The following DYSF variants were observed in gnomAD, a reference collection of about 807,000 sequenced individuals.
DYSF encodes dystrophy-associated fer-1-like 1.
A neutral mutation model predicts 274.9 loss-of-function variants in DYSF; 212 were observed. The observed-to-expected ratio is 0.77, with a 90% CI of 0.69 to 0.86. The LOEUF is 0.86. Ranked by LOEUF, DYSF falls within the 40% of genes least tolerant of loss-of-function variation. DYSF has a pLI of 0.00. For missense variants in DYSF, 2,666 were observed against 2,783.2 expected (o/e 0.96, Z 0.95); for synonymous variants, 1,091 against 1,078.7 (o/e 1.01, Z -0.22).
At chr2:71,594,888 T>G (rs2093364043) in intron 32 of DYSF, among the ~76,000 whole-genome samples, 1 of 152,198 alleles carries the variant, frequency 6.6e-6, no homozygotes, top group African/African-American at 2.4e-5. Context: ...ATTATACCTG[T>G]TTAGGTTACA....
Position 71,668,749 on chromosome 2 carries a change from C to G in DYSF, c.5458-5C>G. 13 of 1,613,166 alleles carry G rather than the reference C, an allele frequency of 8.1e-6. No individual in the cohort carries two copies. The highest frequency in any genetic ancestry group is 1.1e-5 in the Non-Finnish European group (13 of 1,179,704). On this transcript the variant is annotated splice_region_variant and splice_polypyrimidine_tract_variant and intron_variant, in intron 48 of 55. Coordinates refer to ENST00000410020, the MANE Select transcript of DYSF (RefSeq NM_001130987.2). ...GTGGGGAGAGAACGGACCCTGTCTC[C>G]GCAGGGGAAGCTGCAGATGTGGGTC...
intron 32 of DYSF, among the ~76,000 whole-genome samples, chr2:71,595,826 G>T (rs372087070): frequency 1.3e-5 from 2 of 152,256 alleles, no homozygotes; most frequent in African/African-American, 4.8e-5. Flanking sequence ...CCTGGGGAGA[G>T]CCCTATGCTG....
Position 71,503,324 on chromosome 2 carries a change from G to A in DYSF, c.345+5G>A. On this transcript the variant is annotated splice_donor_5th_base_variant and intron_variant, in intron 4 of 55. Coordinates refer to ENST00000410020, the MANE Select transcript of DYSF (RefSeq NM_001130987.2). ...ACCAAGAAGCAGCCCACAGGGGTAA[G>A]TGCCCATCAGCCTCTGCCAGGTTAA... is the stretch of plus-strand genomic sequence containing the variant. The A allele has an allele frequency of 6.2e-7, 1 of 1,614,088 alleles. No homozygotes were observed. The highest frequency in any genetic ancestry group is 8.5e-7 in the Non-Finnish European group (1 of 1,179,938).
At chr2:71,459,120 C>T (rs1174198962) in intron 1 of DYSF, among the ~76,000 whole-genome samples, 1 of 152,196 alleles carries the variant, frequency 6.6e-6, no homozygotes, top group African/African-American at 2.4e-5. Context: ...AAGAAGGCCT[C>T]ATCTATACTT....
At chr2:71,685,918 C>G (rs982829186) in intron 55 of DYSF, among the ~76,000 whole-genome samples, 2 of 152,158 alleles carry the variant, frequency 1.3e-5, no homozygotes, top group African/African-American at 4.8e-5. Flanking sequence ...GGTGCCCTGT[C>G]TCTAGTGCTG....
chr2:71,540,372 G>A (rs958760632), intron 17 of DYSF, among the ~76,000 whole-genome samples: 14 of 151,984 alleles, frequency 9.2e-5, no homozygotes, highest in African/African-American at 3.4e-4. Flanking sequence ...GCCTCCCAAA[G>A]TGCTGGGATT....
intron 22 of DYSF, among the ~76,000 whole-genome samples, chr2:71,557,225 A>G (rs759877891): frequency 4.6e-5 from 7 of 152,258 alleles, no homozygotes; most frequent in Non-Finnish European, 7.3e-5. Flanking sequence ...AGAGGTGAGC[A>G]CTGTAGGAGC....
At chr2:71,484,888 C>T (rs189963203) in intron 3 of DYSF, among the ~76,000 whole-genome samples, 5 of 152,248 alleles carry the variant, frequency 3.3e-5, no homozygotes, top group Admixed American at 1.3e-4. Context: ...ATATGGGGAA[C>T]GGGAAGCTTC....
chr2:71,669,796 T>G, intron 51 of DYSF, 50 bp downstream of exon 51: 1 of 1,613,502 alleles, frequency 6.2e-7, no homozygotes, highest in South Asian at 1.1e-5. Context: ...GCTTCTAAAG[T>G]TAGCCTGACC....
chr2:71,558,959 G>A (rs994803752), intron 22 of DYSF, among the ~76,000 whole-genome samples: 11 of 152,240 alleles, frequency 7.2e-5, no homozygotes, highest in Admixed American at 4.6e-4. Context: ...CAGAGCAGCC[G>A]GGCATGGGGG....
chr2:71,510,524 T>C lies in DYSF; in HGVS notation c.346-1283T>C, dbSNP rs376047386. 4.6e-5 allele frequency among the ~76,000 whole-genome samples: 7 copies of C among 152,322 alleles called. No individual in the cohort carries two copies. The East Asian group carries it at 5.8e-4, about 13-fold the overall frequency. Reference sequence around the variant, plus strand: ...CTGGGATGCTGAGCTAGCTCTTGTCTCCTTCCTCAGTGTTCTGAGCCCTGC... The same window carrying C: ...CTGGGATGCTGAGCTAGCTCTTGTCCCCTTCCTCAGTGTTCTGAGCCCTGC... On this transcript the variant is annotated intron_variant, in intron 4 of 55. Transcript: ENST00000410020.
At chr2:71,590,103 C>T (rs903238164) in intron 31 of DYSF, 108 bp from the exon 32 acceptor site, 1 of 1,098,086 alleles carries the variant, frequency 9.1e-7, no homozygotes, top group Non-Finnish European at 1.4e-6. Flanking sequence ...TCATTCAGCC[C>T]CTCTGTCTGC....
intron 32 of DYSF, among the ~76,000 whole-genome samples, chr2:71,598,085 A>G (rs895451617): frequency 1.8e-4 from 28 of 152,190 alleles, no homozygotes; most frequent in African/African-American, 6.3e-4. Context: ...TCTATTCTTC[A>G]AGGCTCTGAC....
At chr2:71,612,058 C>A (rs991047787) in intron 38 of DYSF, among the ~76,000 whole-genome samples, 1 of 152,226 alleles carries the variant, frequency 6.6e-6, no homozygotes, top group Non-Finnish European at 1.5e-5. Context: ...CTCTCCACCT[C>A]CCTGGGATGC....
intron 41 of DYSF, 80 bp downstream of exon 41, chr2:71,620,689 A>C: frequency 8.1e-6 from 9 of 1,104,594 alleles, no homozygotes; most frequent in Non-Finnish European, 1.2e-5. Flanking sequence ...GGGAAATGGG[A>C]GGGGAGAGTG....
At chr2:71,483,455 G>A (rs1393689483) in intron 3 of DYSF, among the ~76,000 whole-genome samples, 1 of 152,172 alleles carries the variant, frequency 6.6e-6, no homozygotes, top group Non-Finnish European at 1.5e-5. Context: ...GGTAGGCTTT[G>A]AAAAGGCCAG....
At chr2:71,642,825 A>C (rs1167822296) in intron 41 of DYSF, among the ~76,000 whole-genome samples, 7 of 152,232 alleles carry the variant, frequency 4.6e-5, no homozygotes, top group African/African-American at 1.7e-4. Context: ...GCTGGAGCTC[A>C]GAGCACTTGG....
intron 29 of DYSF, among the ~76,000 whole-genome samples, chr2:71,573,932 C>A (rs1307043413): frequency 3.3e-5 from 5 of 152,296 alleles, no homozygotes; most frequent in Non-Finnish European, 5.9e-5. Flanking sequence ...AAGCAATTCT[C>A]CTGCCTCAGC....
At chr2:71,510,420 A>G (rs1255416085) in intron 4 of DYSF, among the ~76,000 whole-genome samples, 1 of 152,174 alleles carries the variant, frequency 6.6e-6, no homozygotes, top group Non-Finnish European at 1.5e-5. Flanking sequence ...TCAGGAACCC[A>G]CAGGGCAGGT....
Sources: allele counts gnomAD v4.1 joint callset (sites outside exome capture counted in the v4.1 genomes callset), GRCh38; gene constraint gnomAD v4.1.1; transcripts MANE v1.5; gene names NCBI Gene and HGNC (gene_info 2026-07-23, HGNC 2026-07-21).